Variants in ABCA13 observed in about 807,000 individuals in gnomAD.
The protein encoded by ABCA13 is ATP binding cassette subfamily A member 13.
A neutral mutation model predicts 478.7 loss-of-function variants in ABCA13; 476 were observed. The ratio of observed to expected loss-of-function variants is 0.99; its 90% CI spans 0.92 to 1.07. The LOEUF is 1.07. Ranked by LOEUF, ABCA13 falls within the 50% of genes least tolerant of loss-of-function variation. ABCA13 has a pLI of 0.00. For synonymous variants in ABCA13, 2,252 were observed against 2,158.9 expected, an observed-to-expected ratio of 1.04 and a Z score of -1.20; for missense variants, 6,060 against 5,910.6, an observed-to-expected ratio of 1.03 and a Z score of -0.83.
At chr7:48,597,013 A>T (rs991426283) in intron 58 of ABCA13, among the ~76,000 whole-genome samples, 2 of 150,548 alleles carry the variant, frequency 1.3e-5, no homozygotes, top group Admixed American at 6.6e-5. Context: ...GTGCAGTGGC[A>T]CGATCTTGGC....
Position 48,303,258 on chromosome 7 carries a change from T to G in ABCA13, c.9321+4771T>G, listed in dbSNP as rs1285345587. Among the ~76,000 whole-genome samples the G allele has an allele frequency of 2.0e-5, 3 of 152,016 alleles. No individual in the cohort carries two copies. In the South Asian group the frequency reaches 6.2e-4, roughly 31 times the overall value. On this transcript the variant is annotated intron_variant, in intron 23 of 61. Coordinates refer to ENST00000435803, the MANE Select transcript of ABCA13 (RefSeq NM_152701.5). ...ATATTAGACCTTTGTCAGATGCATA[T>G]TTTGCAAAACCTCCCGTTCTGTAGA...
At chr7:48,403,963 T>G in intron 39 of ABCA13, 84 bp downstream of exon 39, 1 of 1,474,554 alleles carries the variant, frequency 6.8e-7, no homozygotes. Context: ...TAGAATCAAG[T>G]TGTATCCCAG....
At chr7:48,351,465 G>A (rs936852941) in intron 30 of ABCA13, among the ~76,000 whole-genome samples, 4 of 152,172 alleles carry the variant, frequency 2.6e-5, no homozygotes, top group African/African-American at 9.7e-5. Flanking sequence ...TTTTCCTGCG[G>A]GCTATGAGGA....
intron 58 of ABCA13, 38 bp downstream of exon 58, chr7:48,594,851 G>C (rs1230524499): frequency 1.3e-6 from 2 of 1,574,308 alleles, no homozygotes; most frequent in South Asian, 1.1e-5. Context: ...TTCCTGATAA[G>C]ACTGAGTAAC....
intron 42 of ABCA13, among the ~76,000 whole-genome samples, chr7:48,433,874 A>T (rs148189396): frequency 0.01 from 1,554 of 152,232 alleles, 32 homozygotes; most frequent in African/African-American, 0.036. Flanking sequence ...AGGCTGAATA[A>T]TATTCCATTA....
At position 48,271,862 on chromosome 7, in the gene ABCA13, T is replaced by G; in HGVS notation, c.2196T>G (p.Phe732Leu). 1 of 1,601,574 alleles carries G rather than the reference T, an allele frequency of 6.2e-7. No individual in the cohort carries two copies. Among genetic ancestry groups the G allele is most frequent in the South Asian group, 1.1e-5 (1 of 88,874 alleles). ...CCCTTGAGGATGAACAAATGAACTTTCTTTTATCATTTGTGGAATTTTTTG... is the reference window on the plus strand; with the variant it reads ...CCCTTGAGGATGAACAAATGAACTTGCTTTTATCATTTGTGGAATTTTTTG... ...LHTLEDEQMN[F>L]LLSFVEFFEK... The change falls in exon 17 of 62, where the codon TTT becomes TTG. Residue 732 changes from phenylalanine to leucine, a missense_variant. Phe to Leu is a conservative substitution (Grantham distance 22). Coordinates refer to ENST00000435803, the MANE Select transcript of ABCA13 (RefSeq NM_152701.5).
chr7:48,500,887 CA>C, intron 48 of ABCA13, among the ~76,000 whole-genome samples: 1 of 152,204 alleles, frequency 6.6e-6, no homozygotes, highest in Non-Finnish European at 1.5e-5. Flanking sequence ...TTACACAGGA[CA>C]TAGTCCTGTG....
chr7:48,608,623 A>C (rs1254412757), intron 58 of ABCA13, among the ~76,000 whole-genome samples: 1 of 152,214 alleles, frequency 6.6e-6, no homozygotes, highest in Non-Finnish European at 1.5e-5. Flanking sequence ...CAATGGTCCA[A>C]ATTGTTTGCA....
chr7:48,326,451 T>C (rs1804344864), intron 27 of ABCA13, among the ~76,000 whole-genome samples: 1 of 152,236 alleles, frequency 6.6e-6, no homozygotes, highest in African/African-American at 2.4e-5. Flanking sequence ...TTCTTAAATG[T>C]AAGTTTTAAT....
intron 27 of ABCA13, among the ~76,000 whole-genome samples, chr7:48,326,179 C>T (rs1804302561): frequency 6.6e-6 from 1 of 152,144 alleles, no homozygotes; most frequent in African/African-American, 2.4e-5. Context: ...TCCATGGGAG[C>T]CTTTTGGAAG....
At chr7:48,187,024 T>TATAC (rs1796442423) in intron 1 of ABCA13, among the ~76,000 whole-genome samples, 1 of 149,688 alleles carries the variant, frequency 6.7e-6, no homozygotes, top group South Asian at 2.1e-4. Flanking sequence ...TGTGTGTATA[T>TATAC]ATATATATAT....
intron 42 of ABCA13, among the ~76,000 whole-genome samples, chr7:48,443,056 G>A (rs1005483289): frequency 3.9e-5 from 6 of 152,158 alleles, no homozygotes; most frequent in Admixed American, 3.9e-4. Context: ...CATAAAAAGA[G>A]ACACCAGGGA....
At chr7:48,527,146 T>C (rs550732973) in intron 54 of ABCA13, among the ~76,000 whole-genome samples, 10 of 152,232 alleles carry the variant, frequency 6.6e-5, no homozygotes, top group African/African-American at 2.2e-4. Flanking sequence ...TAGCTAAGCC[T>C]AAAAGCGTTG....
chr7:48,629,384 A>G (rs563172809), intron 59 of ABCA13, among the ~76,000 whole-genome samples: 74 of 152,180 alleles, frequency 4.9e-4, no homozygotes, highest in Non-Finnish European at 1.8e-4. Context: ...AAAATGTATC[A>G]GGATTGGGAT....
intron 37 of ABCA13, among the ~76,000 whole-genome samples, chr7:48,390,449 A>G (rs919073711): frequency 6.6e-6 from 1 of 152,246 alleles, no homozygotes; most frequent in South Asian, 2.1e-4. Flanking sequence ...GTTTGAAAAT[A>G]ATATAGCAAA....
chr7:48,454,565 A>C (rs1825421215), intron 42 of ABCA13, among the ~76,000 whole-genome samples: 10 of 146,802 alleles, frequency 6.8e-5, no homozygotes, highest in African/African-American at 7.4e-5. Flanking sequence ...CCTGCGGGGA[A>C]GTGGAAGGCG....
intron 55 of ABCA13, among the ~76,000 whole-genome samples, chr7:48,553,174 C>G (rs1480457528): frequency 6.6e-6 from 1 of 152,060 alleles, no homozygotes; most frequent in Non-Finnish European, 1.5e-5. Context: ...TAGCACTCCA[C>G]TGTGTATATG....
At chr7:48,532,392 A>C (rs2131061640) in intron 55 of ABCA13, among the ~76,000 whole-genome samples, 1 of 152,168 alleles carries the variant, frequency 6.6e-6, no homozygotes, top group South Asian at 2.1e-4. Flanking sequence ...CTTTGGATTC[A>C]GTTAGCTAGT....
At chr7:48,311,591 G>A (rs2128883221) in intron 24 of ABCA13, among the ~76,000 whole-genome samples, 1 of 152,238 alleles carries the variant, frequency 6.6e-6, no homozygotes, top group African/African-American at 2.4e-5. Context: ...ACTGTGACAA[G>A]GGCCATCATC....
Sources: gnomAD v4.1 joint callset for allele counts (sites outside exome capture counted in the v4.1 genomes callset) on GRCh38, gnomAD v4.1.1 for gene constraint, MANE v1.5 for transcripts, NCBI Gene and HGNC (gene_info 2026-07-23, HGNC 2026-07-21) for gene names.